The following NFAM1 variants were observed in gnomAD, a reference collection of about 807,000 sequenced individuals.
NFAM1 encodes the protein NFAT activation molecule 1.
In NFAM1, 17 loss-of-function variants were observed where a neutral mutation model predicts 29.0. That is an observed-to-expected ratio of 0.59 (90% CI 0.40 to 0.88). The LOEUF is 0.88. Ranked by LOEUF, NFAM1 falls within the 40% of genes least tolerant of loss-of-function variation. The pLI is 0.00. For missense variants in NFAM1, 324 were observed against 344.6 expected, an observed-to-expected ratio of 0.94 and a Z score of 0.47; for synonymous variants, 175 against 147.2, an observed-to-expected ratio of 1.19 and a Z score of -1.36.
rs753009338 is a variant in NFAM1 at position 42,404,682 on chromosome 22, C to T, written c.564+4753G>A. Among the ~76,000 whole-genome samples the T allele has an allele frequency of 1.6e-4, 24 of 152,114 alleles. No homozygotes were observed. The South Asian group carries it at 2.3e-3, about 14-fold the overall frequency. On this transcript the variant is annotated intron_variant, in intron 3 of 5. Transcript: ENST00000329021. ...ACCAGCCTGGCCAACATGGTGAAAC[C>T]CAGTCTCTACTAAAAATACAAAATT... is the stretch of plus-strand genomic sequence containing the variant.
In NFAM1 at chr22:42,409,576, G is replaced by A. The variant is rs749245705; in HGVS notation, c.452-29C>T. On this transcript the variant is annotated intron_variant, in intron 2 of 5. Transcript: ENST00000329021. This position sits in a 1 kb window ranked among gnomAD's most constrained non-coding sequence, Gnocchi z 4.9. ...GGAGGAAGCGCAGGGGAGCAGAGGG[G>A]TCAGTGACCCAGGAGAAAGCGGGGC... The A allele has an allele frequency of 8.4e-7, 1 of 1,193,514 alleles. No individual in the cohort carries two copies. The highest frequency in any genetic ancestry group is 1.6e-5 in the South Asian group (1 of 60,722). 73.9% of individuals were successfully genotyped at this position (1,193,514 alleles called of 1,614,324 possible). A position where few individuals can be genotyped will look rare whatever the true frequency, so the allele number is the denominator to read the frequency against.
intron 3 of NFAM1, among the ~76,000 whole-genome samples, chr22:42,407,325 G>A (rs201026819): frequency 7.3e-5 from 11 of 151,522 alleles, no homozygotes; most frequent in Admixed American, 5.3e-4. Flanking sequence ...CAAGTGATCC[G>A]CCTGTCTCGG....
Position 42,388,568 on chromosome 22 carries a change from C to G in NFAM1, c.664-1490G>C, listed in dbSNP as rs1929227977. 6.7e-6 allele frequency among the ~76,000 whole-genome samples: 1 copy of G among 149,902 alleles called. No homozygotes were observed. The highest frequency in any genetic ancestry group is 6.6e-5 in the Admixed American group (1 of 15,076). ...GCTGGTTGCCAAGGAGGCGGTTTCCCTGGCAACAGGCAAGCAGGGGTTGCT... is the reference window on the plus strand; with the variant it reads ...GCTGGTTGCCAAGGAGGCGGTTTCCGTGGCAACAGGCAAGCAGGGGTTGCT... On this transcript the variant is annotated intron_variant, in intron 4 of 5. Coordinates refer to ENST00000329021, the MANE Select transcript of NFAM1 (RefSeq NM_145912.8). The surrounding 1 kb of genome is among the most constrained non-coding windows in gnomAD (Gnocchi z 4.1).
chr22:42,415,589 G>A (rs955907236), intron 1 of NFAM1, among the ~76,000 whole-genome samples: 54 of 152,042 alleles, frequency 3.6e-4, no homozygotes, highest in Non-Finnish European at 2.9e-4. Context: ...GTGAGCCACC[G>A]CGCCCGGCCT....
In NFAM1 at chr22:42,425,874, C is replaced by T. The variant is rs138739853; in HGVS notation, c.121+6363G>A. Among the ~76,000 whole-genome samples the T allele has an allele frequency of 6.0e-3, 912 of 152,148 alleles. 10 individuals are homozygous for T. The highest frequency in any genetic ancestry group is 9.2e-3 in the Non-Finnish European group (626 of 68,008). On this transcript the variant is annotated intron_variant, in intron 1 of 5. Coordinates refer to ENST00000329021, the MANE Select transcript of NFAM1 (RefSeq NM_145912.8). ...CAGTCATGCCCCACATGCCTCTGAG[C>T]GCCTGTGTGCTCGGGATCACAGATG...
At chr22:42,415,535 G>A (rs8136785) in intron 1 of NFAM1, among the ~76,000 whole-genome samples, 5,883 of 151,956 alleles carry the variant, frequency 0.039, 363 homozygotes, top group African/African-American at 0.14. Context: ...TCCTGACCTC[G>A]TGATCTGCCC....
chr22:42,424,872 C>T (rs1361866424), intron 1 of NFAM1, among the ~76,000 whole-genome samples: 1 of 151,622 alleles, frequency 6.6e-6, no homozygotes, highest in Non-Finnish European at 1.5e-5. Context: ...CTCCCTCCTT[C>T]CCTCCCTCTC....
chr22:42,396,076 C>T (rs528267086), intron 4 of NFAM1, among the ~76,000 whole-genome samples: 1 of 152,198 alleles, frequency 6.6e-6, no homozygotes, highest in East Asian at 1.9e-4. Context: ...CACTCTTCTC[C>T]GCCCAGGCCC....
intron 4 of NFAM1, among the ~76,000 whole-genome samples, chr22:42,393,921 C>T (rs1210213815): frequency 6.6e-6 from 1 of 152,072 alleles, no homozygotes; most frequent in Non-Finnish European, 1.5e-5. Flanking sequence ...AGTTTATATT[C>T]TGTGTGCACT....
At chr22:42,420,733 G>A (rs2146549162) in intron 1 of NFAM1, among the ~76,000 whole-genome samples, 1 of 152,020 alleles carries the variant, frequency 6.6e-6, no homozygotes, top group East Asian at 1.9e-4. Context: ...GCACGCCACT[G>A]CACTCCAGCC....
At chr22:42,400,005 C>A (rs1249330267) in intron 3 of NFAM1, among the ~76,000 whole-genome samples, 1 of 152,188 alleles carries the variant, frequency 6.6e-6, no homozygotes, top group Admixed American at 6.6e-5. Context: ...CCACAAACCG[C>A]AGGTGAATCT....
At chr22:42,399,534 G>A (rs560345297) in intron 3 of NFAM1, among the ~76,000 whole-genome samples, 3 of 152,186 alleles carry the variant, frequency 2.0e-5, no homozygotes, top group Non-Finnish European at 4.4e-5. Flanking sequence ...GCCTGGGAGG[G>A]GCAGGCGTGG....
Position 42,387,048 on chromosome 22 carries a change from C to G in NFAM1, c.694G>C (p.Ala232Pro), listed in dbSNP as rs760730749. ...CTGCCATCCTCATTCTCGATGCAGG[C>G]ATAGACCTCGGTCTCGCGGCGCTGC... ...ALQRRETEVY[A>P]CIENEDGSSP... is the part of the protein sequence containing the mutation. Residue 232 changes from alanine (A) to proline (P), a missense_variant, in exon 5 of 6, where the codon GCC becomes CCC. Transcript: ENST00000329021. 11 of 1,588,444 alleles carry G rather than the reference C, an allele frequency of 6.9e-6. No individual in the cohort carries two copies. Among genetic ancestry groups the G allele is most frequent in the African/African-American group, 2.7e-5 (2 of 73,046 alleles).
chr22:42,396,635 G>C (rs1929534776), intron 4 of NFAM1, among the ~76,000 whole-genome samples: 1 of 152,156 alleles, frequency 6.6e-6, no homozygotes, highest in Admixed American at 6.5e-5. Flanking sequence ...AGACAGGAGA[G>C]AGTATGAGGA....
In NFAM1 at chr22:42,409,418, G is replaced by C. The variant is rs772859164; in HGVS notation, c.564+17C>G. On this transcript the variant is annotated intron_variant, in intron 3 of 5. Coordinates refer to ENST00000329021, the MANE Select transcript of NFAM1 (RefSeq NM_145912.8). This position sits in a 1 kb window ranked among gnomAD's most constrained non-coding sequence, Gnocchi z 4.9. ...TCGGGTGGAGGGGCTGCATGGCTGT[G>C]AGCACTGATCCCGTACCTTGTTCCA... 8 of 1,336,806 alleles carry C rather than the reference G, an allele frequency of 6.0e-6. No individual in the cohort carries two copies. Among genetic ancestry groups the C allele is most frequent in the Middle Eastern group, 1.9e-4 (1 of 5,196 alleles). 82.8% of individuals were successfully genotyped at this position (1,336,806 alleles called of 1,614,324 possible). A position where few individuals can be genotyped will look rare whatever the true frequency, so the allele number is the denominator to read the frequency against.
In NFAM1 at chr22:42,419,989, GGTTTTTTTTTTTTT is replaced by G. The variant is rs1329049276; in HGVS notation, c.122-8267_122-8254del. ...CCTTTGAGTCTGTAATCCCACTCTTGGTTTTTTTTTTTTTTTTTTTTTTTTTTTTTTTTTTTTCT... is the reference window on the plus strand; with the variant it reads ...CCTTTGAGTCTGTAATCCCACTCTTGTTTTTTTTTTTTTTTTTTTTTTTCT... On this transcript the variant is annotated intron_variant, in intron 1 of 5. Coordinates refer to ENST00000329021, the MANE Select transcript of NFAM1 (RefSeq NM_145912.8). The surrounding 1 kb of genome is among the most constrained non-coding windows in gnomAD (Gnocchi z 4.5). Among the ~76,000 whole-genome samples the G allele has an allele frequency of 5.5e-4, 31 of 56,528 alleles. 3 individuals are homozygous for G. The highest frequency in any genetic ancestry group is 2.6e-3 in the East Asian group (3 of 1,172). The allele number at this position is 56,528 out of a possible 152,430, so 37.1% of individuals were successfully genotyped here. A position where few individuals can be genotyped will look rare whatever the true frequency, so the allele number is the denominator to read the frequency against.
intron 3 of NFAM1, among the ~76,000 whole-genome samples, chr22:42,402,894 A>G (rs556060175): frequency 7.9e-6 from 1 of 126,786 alleles, no homozygotes; most frequent in Admixed American, 9.4e-5. Flanking sequence ...GGAGTGCAGT[A>G]GCGCAATCCA....
Position 42,384,947 on chromosome 22 carries a change from T to C in NFAM1, c.*214A>G. On this transcript the variant is annotated 3_prime_UTR_variant, in exon 6 of 6. Coordinates refer to ENST00000329021, the MANE Select transcript of NFAM1 (RefSeq NM_145912.8). ...GGCCTGCCTGGCAGAAGGAACAGCC[T>C]GGGCAAAGGCCCCAAGATGGGAAAG... 1 of 651,160 alleles carries C rather than the reference T, an allele frequency of 1.5e-6. No homozygotes were observed. The allele number at this position is 651,160 out of a possible 1,614,324, so 40.3% of individuals were successfully genotyped here.
chr22:42,407,369 AC>A (rs1929934508), intron 3 of NFAM1, among the ~76,000 whole-genome samples: 1 of 151,880 alleles, frequency 6.6e-6, no homozygotes, highest in Admixed American at 6.6e-5. Context: ...AGCATAAGCC[AC>A]CGCACCCAGC....
Sources: allele counts gnomAD v4.1 joint callset (sites outside exome capture counted in the v4.1 genomes callset), GRCh38; gene constraint gnomAD v4.1.1; non-coding constraint Gnocchi (gnomAD v3.1); transcripts MANE v1.5; gene names NCBI Gene and HGNC (gene_info 2026-07-23, HGNC 2026-07-21).